ANKFY1: variants seen among roughly 807,000 people sequenced by gnomAD.
The protein encoded by ANKFY1 is ankyrin repeat and FYVE domain-containing protein 1.
In ANKFY1, 47 loss-of-function variants were observed where a neutral mutation model predicts 128.3. That is an observed-to-expected ratio of 0.37 (90% confidence interval 0.29 to 0.47). The LOEUF (loss-of-function observed/expected upper bound fraction) is 0.47. Among genes scored for constraint, ANKFY1 ranks in the 20% least tolerant of loss-of-function variants. The probability of loss-of-function intolerance (pLI) is 1.00; values close to 1 mark genes in which losing one functional copy is unlikely to be tolerated. For missense variants in ANKFY1, 1,222 were observed against 1,510.6 expected, an observed-to-expected ratio of 0.81 and a Z score of 3.17; for synonymous variants, 553 against 601.6, an observed-to-expected ratio of 0.92 and a Z score of 1.18.
At chr17:4,193,288 C>T (rs942183750) in intron 10 of ANKFY1, among the ~76,000 whole-genome samples, 19 of 152,116 alleles carry the variant, frequency 1.2e-4, no homozygotes, top group African/African-American at 4.6e-4. Flanking sequence ...GAGAATCTTG[C>T]TCTGTCACCC....
At position 4,178,402 on chromosome 17, in the gene ANKFY1, C is replaced by T. The variant is rs1487535870; in HGVS notation, c.2598+455G>A. The T allele has an allele frequency of 5.0e-6, 1 of 198,788 alleles. No individual in the cohort carries two copies. The highest frequency in any genetic ancestry group is 2.3e-5 in the African/African-American group (1 of 44,004). 12.3% of individuals were successfully genotyped at this position (198,788 alleles called of 1,614,324 possible). On this transcript the variant is annotated intron_variant, in intron 18 of 24. Transcript: ENST00000341657. This position sits in a 1 kb window ranked among gnomAD's most constrained non-coding sequence, Gnocchi z 4.1. ...CAGCCAACTGCTTGTTGCAGATCAACAGTTCACCATCCCGATGTAGCAGCT... is the reference window on the plus strand; with the variant it reads ...CAGCCAACTGCTTGTTGCAGATCAATAGTTCACCATCCCGATGTAGCAGCT...
At chr17:4,259,957 G>A (rs1048006200) in intron 1 of ANKFY1, among the ~76,000 whole-genome samples, 1 of 152,188 alleles carries the variant, frequency 6.6e-6, no homozygotes, top group Non-Finnish European at 1.5e-5. Flanking sequence ...ACTGTTCCAG[G>A]CCAAGGAAAC....
intron 1 of ANKFY1, among the ~76,000 whole-genome samples, chr17:4,247,368 C>A (rs1239489906): frequency 6.6e-6 from 1 of 152,138 alleles, no homozygotes; most frequent in Non-Finnish European, 1.5e-5. Context: ...TGGACAATGA[C>A]ACAAGATATA....
rs149963445 is a variant in ANKFY1 at position 4,177,349 on chromosome 17, A to G, written c.2599-47T>C. The G allele has an allele frequency of 2.2e-4, 331 of 1,510,502 alleles. No individual in the cohort carries two copies. In the African/African-American group the frequency reaches 3.9e-3, roughly 18 times the overall value. 93.6% of individuals were successfully genotyped at this position (1,510,502 alleles called of 1,614,324 possible). A position where few individuals can be genotyped will look rare whatever the true frequency, so the allele number is the denominator to read the frequency against. On this transcript the variant is annotated intron_variant, in intron 18 of 24. Transcript: ENST00000341657. ...AAAATATTAGTTCCCTTTTCAGAGTACCTCCTGAGCTTCATCTGCAAGCTG... is the reference window on the plus strand; with the variant it reads ...AAAATATTAGTTCCCTTTTCAGAGTGCCTCCTGAGCTTCATCTGCAAGCTG...
intron 7 of ANKFY1, 110 bp from the exon 8 acceptor site, chr17:4,197,687 G>T (rs2059851554): frequency 4.1e-6 from 4 of 975,700 alleles, no homozygotes; most frequent in Non-Finnish European, 1.6e-6. Context: ...ATAACTAGAT[G>T]TGTCTGAAGG....
intron 3 of ANKFY1, among the ~76,000 whole-genome samples, chr17:4,225,918 A>G (rs2060417866): frequency 1.3e-5 from 2 of 151,968 alleles, no homozygotes; most frequent in Admixed American, 1.3e-4. Context: ...GTGCCACCAC[A>G]CCTGGCTAAT....
Position 4,167,621 on chromosome 17 carries a change from T to C in ANKFY1, c.*158A>G. ...CACACTGACAATCATATGGAATCAT[T>C]TGAAATGGGATCTATCACACCATGG... is the stretch of plus-strand genomic sequence containing the variant. On this transcript the variant is annotated 3_prime_UTR_variant, in exon 25 of 25. Transcript: ENST00000341657. The surrounding 1 kb of genome is among the most constrained non-coding windows in gnomAD (Gnocchi z 4.1). The C allele has an allele frequency of 1.5e-6, 1 of 645,340 alleles. No individual in the cohort carries two copies. Among genetic ancestry groups the C allele is most frequent in the Non-Finnish European group, 2.4e-6 (1 of 410,894 alleles). The allele number at this position is 645,340 out of a possible 1,614,324, so 40.0% of individuals were successfully genotyped here.
intron 2 of ANKFY1, among the ~76,000 whole-genome samples, chr17:4,241,943 G>A (rs1967252919): frequency 1.3e-5 from 2 of 151,886 alleles, no homozygotes; most frequent in Admixed American, 6.6e-5. Flanking sequence ...TAAAAAATTA[G>A]CCGGGCACGG....
intron 3 of ANKFY1, among the ~76,000 whole-genome samples, chr17:4,225,753 GTA>G (rs1488801272): frequency 6.6e-6 from 1 of 151,964 alleles, no homozygotes; most frequent in Admixed American, 6.6e-5. Context: ...CGGTGTGTGT[GTA>G]TATATATATT....
chr17:4,238,591 G>C (rs1967037607), intron 2 of ANKFY1, among the ~76,000 whole-genome samples: 1 of 151,150 alleles, frequency 6.6e-6, no homozygotes, highest in African/African-American at 2.4e-5. Context: ...CTCCTGCCTC[G>C]GCCTGCTGAG....
At position 4,195,431 on chromosome 17, in the gene ANKFY1, CAT is replaced by C. The variant is rs1227030586; in HGVS notation, c.1142_1143del (p.Tyr381CysfsTer36). 1 of 1,614,066 alleles carries C rather than the reference CAT, an allele frequency of 6.2e-7. No homozygotes were observed. The highest frequency in any genetic ancestry group is 8.5e-7 in the Non-Finnish European group (1 of 1,180,050). On this transcript the variant is annotated frameshift_variant, in exon 9 of 25. Coordinates refer to ENST00000341657, the MANE Select transcript of ANKFY1 (RefSeq NM_001330063.2). LOFTEE classifies it high-confidence loss of function. Reference sequence around the variant, plus strand: ...TTGCACTGCAGCAGCTGACTGAACACATATTCATTCCCGGCCATGATGGACAC... The same window carrying C: ...TTGCACTGCAGCAGCTGACTGAACACATTCATTCCCGGCCATGATGGACAC... ...LHVSIMAGNE[Y>X]VFSQLLQCKQ...
In ANKFY1 at chr17:4,189,661, G is replaced by C. The variant is rs12945090; in HGVS notation, c.1373-182C>G. 3.3e-4 allele frequency among the ~76,000 whole-genome samples: 44 copies of C among 133,676 alleles called. 1 individual carries two copies. The East Asian group carries it at 4.3e-3, about 13-fold the overall frequency. The allele number at this position is 133,676 out of a possible 152,430, so 87.7% of individuals were successfully genotyped here. On this transcript the variant is annotated intron_variant, in intron 10 of 24. Coordinates refer to ENST00000341657, the MANE Select transcript of ANKFY1 (RefSeq NM_001330063.2). ...CGCCAGAGAGTAGGCCCACGCCAGA[G>C]AGTAGGCCCACACCAGACAGTAGGC...
chr17:4,224,607 A>G (rs1480218032), intron 3 of ANKFY1, among the ~76,000 whole-genome samples: 1 of 152,208 alleles, frequency 6.6e-6, no homozygotes, highest in Non-Finnish European at 1.5e-5. Flanking sequence ...GCTAGAGGAA[A>G]AAAAATTTTT....
At chr17:4,173,825 G>C in intron 20 of ANKFY1, 84 bp downstream of exon 20, 2 of 1,517,122 alleles carry the variant, frequency 1.3e-6, no homozygotes, top group South Asian at 2.6e-5. Context: ...CCTCCCCAGT[G>C]GGGAGCAGAC....
At chr17:4,189,506 C>T in intron 10 of ANKFY1, 27 bp from the exon 11 acceptor site, 1 of 1,537,908 alleles carries the variant, frequency 6.5e-7, no homozygotes, top group Non-Finnish European at 8.8e-7. Context: ...ATTGCTGATT[C>T]TTCTGTTTGC....
rs538061933 is a variant in ANKFY1, at chr17:4,260,254, G to C, written c.10+3678C>G. On this transcript the variant is annotated intron_variant, in intron 1 of 24. Coordinates refer to ENST00000341657, the MANE Select transcript of ANKFY1 (RefSeq NM_001330063.2). ...GAAACTGTGAAATTAGGCTGTGAGA[G>C]AGCAAAATCTAGGAGGAAAAGTTAA... is the stretch of plus-strand genomic sequence containing the variant. Among the ~76,000 whole-genome samples the C allele has an allele frequency of 2.0e-5, 3 of 152,254 alleles. No individual in the cohort carries two copies. In the South Asian group the frequency reaches 6.2e-4, roughly 32 times the overall value.
rs1458817727 is a variant in ANKFY1 at position 4,243,077 on chromosome 17, TG to T, written c.11-630del. ...TTTTTTTGTTTTTTGTTTGTTTGTT[TG>T]TTTGTTTGAGACAGAGTCTTGCTCT... On this transcript the variant is annotated intron_variant, in intron 1 of 24. Transcript: ENST00000341657. Among the ~76,000 whole-genome samples the T allele has an allele frequency of 5.3e-3, 814 of 152,262 alleles. 6 individuals are homozygous for T. The highest frequency in any genetic ancestry group is 0.018 in the African/African-American group (764 of 41,538).
Position 4,181,276 on chromosome 17 carries a change from T to TG in ANKFY1, c.2217dup (p.Thr740HisfsTer11). 6.2e-7 allele frequency: 1 copy of TG among 1,613,620 alleles called. No individual in the cohort carries two copies. Among genetic ancestry groups the TG allele is most frequent in the Non-Finnish European group, 8.5e-7 (1 of 1,179,562 alleles). On this transcript the variant is annotated frameshift_variant, in exon 16 of 25. Coordinates refer to ENST00000341657, the MANE Select transcript of ANKFY1 (RefSeq NM_001330063.2). LOFTEE classifies it high-confidence loss of function. This position sits in a 1 kb window ranked among gnomAD's most constrained non-coding sequence, Gnocchi z 4.9. ...GACCTGCGAATAAGAAAGCAGGCGGTGGGCTCGTTGTTTTCATCAATGGCT... is the reference window on the plus strand; with the variant it reads ...GACCTGCGAATAAGAAAGCAGGCGGTGGGGCTCGTTGTTTTCATCAATGGCT...
intron 1 of ANKFY1, chr17:4,263,499 A>G: frequency 1.9e-6 from 2 of 1,040,572 alleles, no homozygotes; most frequent in Non-Finnish European, 2.6e-6. Flanking sequence ...ACCCAGCCCG[A>G]GGAGACCCAC....
Sources: gnomAD v4.1 joint callset for allele counts (sites outside exome capture counted in the v4.1 genomes callset) on GRCh38, gnomAD v4.1.1 for gene constraint, Gnocchi (gnomAD v3.1) non-coding constraint, MANE v1.5 for transcripts, NCBI Gene and HGNC (gene_info 2026-07-23, HGNC 2026-07-21) for gene names.